Variants in ARHGAP24 observed in about 807,000 individuals in gnomAD.
ARHGAP24 encodes the protein Rho GTPase activating protein 24.
ARHGAP24 carries 50 observed loss-of-function variants against 76.4 expected under a neutral mutation model. The ratio of observed to expected loss-of-function variants is 0.65; its 90% CI spans 0.52 to 0.83. The LOEUF (loss-of-function observed/expected upper bound fraction) is 0.83. Among genes scored for constraint, ARHGAP24 ranks in the 40% least tolerant of loss-of-function variants. ARHGAP24 has a pLI of 0.00. For missense variants in ARHGAP24, 930 were observed against 914.2 expected (o/e 1.02, Z -0.22); for synonymous variants, 345 against 323.3 (o/e 1.07, Z -0.72).
At chr4:85,809,247 T>G (rs1728912858) in intron 3 of ARHGAP24, among the ~76,000 whole-genome samples, 1 of 151,710 alleles carries the variant, frequency 6.6e-6, no homozygotes. Context: ...ATTTTGGGGG[T>G]TTTTATATTA....
intron 3 of ARHGAP24, among the ~76,000 whole-genome samples, chr4:85,796,278 C>G (rs1728336481): frequency 6.6e-6 from 1 of 151,870 alleles, no homozygotes; most frequent in Non-Finnish European, 1.5e-5. Flanking sequence ...AATATTATTC[C>G]TAAGTAGCTG....
intron 8 of ARHGAP24, among the ~76,000 whole-genome samples, 161 bp from the exon 9 acceptor site, chr4:85,994,422 A>G (rs1009769008): frequency 6.6e-6 from 1 of 152,198 alleles, no homozygotes; most frequent in Non-Finnish European, 1.5e-5. Flanking sequence ...AATGCTCAAG[A>G]TGTTTTAGCT....
At chr4:85,750,707 G>A (rs1726228667) in intron 3 of ARHGAP24, among the ~76,000 whole-genome samples, 1 of 151,810 alleles carries the variant, frequency 6.6e-6, no homozygotes, top group South Asian at 2.1e-4. Flanking sequence ...TGTTGCCCAG[G>A]CTGGTCTTGA....
chr4:85,622,052 T>C (rs1283458404), intron 2 of ARHGAP24, among the ~76,000 whole-genome samples: 1 of 152,066 alleles, frequency 6.6e-6, no homozygotes, highest in African/African-American at 2.4e-5. Flanking sequence ...CCTTTTTTGC[T>C]TGTCTTAAGA....
At chr4:85,668,736 G>T (rs1722723098) in intron 2 of ARHGAP24, among the ~76,000 whole-genome samples, 1 of 152,188 alleles carries the variant, frequency 6.6e-6, no homozygotes, top group African/African-American at 2.4e-5. Context: ...TAGGCCTCAT[G>T]ATCCAATCCA....
intron 8 of ARHGAP24, chr4:85,990,840 G>T (rs1740277951): frequency 6.6e-6 from 1 of 151,918 alleles, no homozygotes; most frequent in Non-Finnish European, 1.5e-5. Flanking sequence ...TAATTTTAAA[G>T]AAATCTTATG....
At chr4:85,910,135 G>A (rs1734997517) in intron 3 of ARHGAP24, among the ~76,000 whole-genome samples, 1 of 152,196 alleles carries the variant, frequency 6.6e-6, no homozygotes, top group South Asian at 2.1e-4. Context: ...GCTAGACCAG[G>A]TGCACTGCAA....
intron 2 of ARHGAP24, among the ~76,000 whole-genome samples, chr4:85,604,528 A>G (rs1720129228): frequency 6.6e-6 from 1 of 152,262 alleles, no homozygotes. Flanking sequence ...ATGAATAATT[A>G]ATAAGGAAAA....
chr4:85,595,132 C>T (rs1719755121), intron 2 of ARHGAP24, among the ~76,000 whole-genome samples: 1 of 152,046 alleles, frequency 6.6e-6, no homozygotes, highest in Admixed American at 6.6e-5. Context: ...AATGTGAGAA[C>T]TTCCCTCCAA....
chr4:85,966,137 G>C (rs1244679020), intron 5 of ARHGAP24, among the ~76,000 whole-genome samples: 6 of 152,130 alleles, frequency 3.9e-5, no homozygotes, highest in Admixed American at 3.9e-4. Context: ...CAAGGGGAGA[G>C]AGAAAGAGCA....
rs562511528 is a variant in ARHGAP24 at position 85,873,337 on chromosome 4, T to G, written c.269-50311T>G. Among the ~76,000 whole-genome samples the G allele has an allele frequency of 1.1e-4, 17 of 152,364 alleles. No homozygotes were observed. The South Asian group carries it at 3.5e-3, about 32-fold the overall frequency. ...CTCCTTCTGACACATTATGGCCGCT[T>G]GATAAATGTAAATTTTCTTAATTTT... On this transcript the variant is annotated intron_variant, in intron 3 of 9. Transcript: ENST00000395184.
At chr4:85,671,816 G>A (rs1722824233) in intron 2 of ARHGAP24, among the ~76,000 whole-genome samples, 1 of 152,142 alleles carries the variant, frequency 6.6e-6, no homozygotes, top group Non-Finnish European at 1.5e-5. Context: ...CTACTAAAAA[G>A]AAGAATGTGC....
intron 3 of ARHGAP24, among the ~76,000 whole-genome samples, chr4:85,856,759 C>T (rs553081849): frequency 3.3e-5 from 5 of 152,188 alleles, no homozygotes; most frequent in South Asian, 2.1e-4. Flanking sequence ...CATGAGCCAC[C>T]GCGCCCGGCT....
At chr4:85,540,786 G>T (rs935631036) in intron 1 of ARHGAP24, among the ~76,000 whole-genome samples, 1 of 152,034 alleles carries the variant, frequency 6.6e-6, no homozygotes, top group African/African-American at 2.4e-5. Flanking sequence ...ATAATTATTA[G>T]CAAACAATTC....
intron 1 of ARHGAP24, among the ~76,000 whole-genome samples, chr4:85,538,511 G>A (rs891890140): frequency 6.6e-5 from 10 of 152,074 alleles, no homozygotes; most frequent in Non-Finnish European, 1.0e-4. Flanking sequence ...GCCTCCAAGT[G>A]CCCCTCTGTA....
intron 3 of ARHGAP24, among the ~76,000 whole-genome samples, chr4:85,908,112 C>T (rs946192890): frequency 6.6e-6 from 1 of 150,844 alleles, no homozygotes; most frequent in African/African-American, 2.4e-5. Context: ...ATTCCTCTCC[C>T]CATCTACACC....
rs1025398291 is a variant in ARHGAP24 at position 85,953,670 on chromosome 4, A to G, written c.599+11397A>G. Among the ~76,000 whole-genome samples, 11 of 151,716 alleles carry G rather than the reference A, an allele frequency of 7.3e-5. No individual in the cohort carries two copies. In the South Asian group the frequency reaches 2.3e-3, roughly 32 times the overall value. ...TTTTTTTAATCTGCCTGTGCTGCCCAGAGGCAGGAACCCTGTCCTCTTAGT... is the reference window on the plus strand; with the variant it reads ...TTTTTTTAATCTGCCTGTGCTGCCCGGAGGCAGGAACCCTGTCCTCTTAGT... On this transcript the variant is annotated intron_variant, in intron 5 of 9. Transcript: ENST00000395184.
chr4:85,874,363 A>C (rs1732705354), intron 3 of ARHGAP24, among the ~76,000 whole-genome samples: 1 of 152,178 alleles, frequency 6.6e-6, no homozygotes, highest in South Asian at 2.1e-4. Context: ...CCATTGTTTT[A>C]AATGAGAGGG....
intron 2 of ARHGAP24, among the ~76,000 whole-genome samples, chr4:85,696,121 CA>C (rs1386408285): frequency 6.6e-6 from 1 of 151,946 alleles, no homozygotes; most frequent in Admixed American, 6.6e-5. Context: ...TAGGATCCAA[CA>C]GCTTTTATTT....
Sources: gnomAD v4.1 joint callset for allele counts (sites outside exome capture counted in the v4.1 genomes callset) on GRCh38, gnomAD v4.1.1 for gene constraint, MANE v1.5 for transcripts, NCBI Gene and HGNC (gene_info 2026-07-23, HGNC 2026-07-21) for gene names.